The following CCDC122 variants were observed in gnomAD, a reference collection of about 807,000 sequenced individuals.
The protein encoded by CCDC122 is coiled-coil domain containing 122.
In CCDC122, 38 loss-of-function variants were observed where a neutral mutation model predicts 37.0. The ratio of observed to expected loss-of-function variants is 1.03; its 90% CI spans 0.79 to 1.35. The LOEUF (loss-of-function observed/expected upper bound fraction) is 1.35, where lower values mean the gene tolerates loss of function less well. Ranked by LOEUF, CCDC122 falls within the 40% of genes most tolerant of loss-of-function variation. The pLI is 0.00. For synonymous variants in CCDC122, 83 were observed against 95.6 expected, an observed-to-expected ratio of 0.87 and a Z score of 0.77; for missense variants, 305 against 310.0, an observed-to-expected ratio of 0.98 and a Z score of 0.12.
chr13:43,843,426 T>C (rs1009391479), intron 6 of CCDC122, among the ~76,000 whole-genome samples: 4 of 152,018 alleles, frequency 2.6e-5, no homozygotes, highest in Non-Finnish European at 4.4e-5. Context: ...TATAATGTAT[T>C]AGACTTTTGG....
At chr13:43,831,950 A>G (rs1221439900), downstream of CCDC122, among the ~76,000 whole-genome samples, 1 of 147,628 alleles carries the variant, frequency 6.8e-6, no homozygotes, top group Non-Finnish European at 1.5e-5. Flanking sequence ...GAAAAGAAAA[A>G]GGAATTTGAA....
At chr13:43,850,771 G>A (rs1021293177) in intron 6 of CCDC122, among the ~76,000 whole-genome samples, 2 of 152,126 alleles carry the variant, frequency 1.3e-5, no homozygotes, top group African/African-American at 4.8e-5. Context: ...AGTAACTGAT[G>A]GCTGAAAAAT....
chr13:43,872,977 G>A (rs1362298938), intron 2 of CCDC122, among the ~76,000 whole-genome samples: 1 of 152,034 alleles, frequency 6.6e-6, no homozygotes, highest in East Asian at 1.9e-4. Flanking sequence ...GTATCTATGA[G>A]CTCCACATTG....
At chr13:43,857,685 C>T (rs1378263259) in intron 6 of CCDC122, among the ~76,000 whole-genome samples, 3 of 151,892 alleles carry the variant, frequency 2.0e-5, no homozygotes, top group Admixed American at 2.0e-4. Context: ...GGCGGATCAC[C>T]TGAGGTCAGG....
intron 4 of CCDC122, among the ~76,000 whole-genome samples, chr13:43,865,552 T>C (rs1040147834): frequency 2.6e-5 from 4 of 152,168 alleles, no homozygotes; most frequent in Admixed American, 1.3e-4. Flanking sequence ...AAAATAATTA[T>C]AACGATATAC....
chr13:43,820,885 G>A (rs371538007), downstream of CCDC122, among the ~76,000 whole-genome samples: 3 of 152,290 alleles, frequency 2.0e-5, no homozygotes, highest in East Asian at 1.9e-4. Flanking sequence ...AAGGGTATGC[G>A]TTCTTTTAAA....
chr13:43,820,422 C>A (rs1269455834), downstream of CCDC122, among the ~76,000 whole-genome samples: 4 of 152,068 alleles, frequency 2.6e-5, no homozygotes, highest in Admixed American at 2.6e-4. Context: ...ACTCCTTAAG[C>A]AAGTAAGTTA....
intron 2 of CCDC122, among the ~76,000 whole-genome samples, chr13:43,873,219 C>T (rs1954502130): frequency 6.6e-6 from 1 of 152,042 alleles, no homozygotes; most frequent in Non-Finnish European, 1.5e-5. Flanking sequence ...TTAAAATCCA[C>T]CTATAGGCTG....
intron 6 of CCDC122, among the ~76,000 whole-genome samples, chr13:43,850,683 A>C (rs1953696671): frequency 1.3e-5 from 2 of 152,206 alleles, no homozygotes; most frequent in Admixed American, 6.5e-5. Context: ...GGCTTATGAA[A>C]CTATAACAAA....
downstream of CCDC122, among the ~76,000 whole-genome samples, chr13:43,834,849 T>C (rs1002246019): frequency 2.6e-5 from 4 of 152,074 alleles, no homozygotes; most frequent in Admixed American, 6.5e-5. Flanking sequence ...GGAACACTTT[T>C]ACACTGTTGG....
chr13:43,829,038 C>A (rs1953064647), intron 3 of CCDC122, among the ~76,000 whole-genome samples: 1 of 152,094 alleles, frequency 6.6e-6, no homozygotes, highest in Non-Finnish European at 1.5e-5. Flanking sequence ...TGTTACTAAT[C>A]TTATATTTTA....
At chr13:43,851,368 T>C (rs371745720) in intron 6 of CCDC122, among the ~76,000 whole-genome samples, 8 of 152,354 alleles carry the variant, frequency 5.3e-5, no homozygotes, top group Middle Eastern at 3.4e-3. Context: ...TTGGTGAAGG[T>C]TGCACATATA....
chr13:43,835,994 G>A (rs1018444684), downstream of CCDC122, among the ~76,000 whole-genome samples: 10 of 152,136 alleles, frequency 6.6e-5, no homozygotes, highest in South Asian at 2.1e-4. Context: ...AACTATTACT[G>A]TTAGACATAA....
Position 43,837,428 on chromosome 13 carries a change from AC to A in CCDC122, c.673del (p.Val225TyrfsTer17), listed in dbSNP as rs781280447. ...THEKLRKEIE[V>X]QHKRYDAILK... ...AATTGCATCATACCTCTTATGTTGT[AC>A]CTATCAAAAGAAGAGCACACATCAA... On this transcript the variant is annotated frameshift_variant and splice_region_variant, in exon 7 of 7. Coordinates refer to ENST00000444614, the MANE Select transcript of CCDC122 (RefSeq NM_144974.5). LOFTEE classifies it high-confidence loss of function. 2.5e-6 allele frequency: 4 copies of A among 1,610,876 alleles called. No individual in the cohort carries two copies. The South Asian group carries it at 3.3e-5, about 13-fold the overall frequency.
downstream of CCDC122, among the ~76,000 whole-genome samples, chr13:43,833,198 T>G (rs1953106577): frequency 6.6e-6 from 1 of 152,314 alleles, no homozygotes; most frequent in East Asian, 1.9e-4. Context: ...AGGTTGCACA[T>G]GTAGTAAGTA....
rs183187037 is a variant in CCDC122, at chr13:43,873,713, T to C, written c.-114+1129A>G. 7.2e-5 allele frequency among the ~76,000 whole-genome samples: 11 copies of C among 152,306 alleles called. No homozygotes were observed. In the East Asian group the frequency reaches 2.1e-3, roughly 29 times the overall value. ...AAGCCCATTGGCTCTACCTTTAAATTATACTGGAATCCAATCACTCCTTAC... is the reference window on the plus strand; with the variant it reads ...AAGCCCATTGGCTCTACCTTTAAATCATACTGGAATCCAATCACTCCTTAC... On this transcript the variant is annotated intron_variant, in intron 2 of 6. Transcript: ENST00000444614.
At chr13:43,856,369 G>C (rs1311704201) in intron 6 of CCDC122, 1 of 152,318 alleles carries the variant, frequency 6.6e-6, no homozygotes. Context: ...GGTGGCTCAC[G>C]CCTGTAATCC....
At chr13:43,879,097 C>T (rs1290763113) in intron 1 of CCDC122, among the ~76,000 whole-genome samples, 1 of 152,098 alleles carries the variant, frequency 6.6e-6, no homozygotes, top group Admixed American at 6.5e-5. Flanking sequence ...AGACCGGAAA[C>T]GCGGACTTCA....
At chr13:43,827,908 G>A (rs1459696846) in intron 3 of CCDC122, among the ~76,000 whole-genome samples, 1 of 152,194 alleles carries the variant, frequency 6.6e-6, no homozygotes, top group Non-Finnish European at 1.5e-5. Flanking sequence ...CTGGATGTAG[G>A]AGAGAGAACA....
Sources: gnomAD v4.1 joint callset for allele counts (sites outside exome capture counted in the v4.1 genomes callset) on GRCh38, gnomAD v4.1.1 for gene constraint, MANE v1.5 for transcripts, NCBI Gene and HGNC (gene_info 2026-07-23, HGNC 2026-07-21) for gene names.